The following GRID2 variants were observed in gnomAD, a reference collection of about 807,000 sequenced individuals.
GRID2 encodes the protein glutamate ionotropic receptor delta type subunit 2.
A neutral mutation model predicts 114.8 loss-of-function variants in GRID2; 33 were observed. The ratio of observed to expected loss-of-function variants is 0.29; its 90% CI spans 0.22 to 0.38. GRID2 has a LOEUF of 0.38. Among genes scored for constraint, GRID2 ranks in the 10% least tolerant of loss-of-function variants. The pLI is 1.00. For missense variants in GRID2, 1,184 were observed against 1,257.7 expected (o/e 0.94, Z 0.89); for synonymous variants, 505 against 449.9 (o/e 1.12, Z -1.55).
chr4:92,693,231 G>A (rs556230237), intron 2 of GRID2, among the ~76,000 whole-genome samples: 1 of 152,150 alleles, frequency 6.6e-6, no homozygotes, highest in African/African-American at 2.4e-5. Flanking sequence ...ATTTCATCCA[G>A]TGACCTTTCC....
At chr4:93,751,688 C>G (rs942971655) in intron 14 of GRID2, among the ~76,000 whole-genome samples, 1 of 152,076 alleles carries the variant, frequency 6.6e-6, no homozygotes, top group African/African-American at 2.4e-5. Context: ...TGTCCTCACC[C>G]CAAATCACAT....
chr4:92,314,318 G>A (rs895356924), intron 1 of GRID2, among the ~76,000 whole-genome samples: 1 of 152,008 alleles, frequency 6.6e-6, no homozygotes, highest in Non-Finnish European at 1.5e-5. Flanking sequence ...ATTTGGTAAT[G>A]TACTAATTCC....
chr4:93,391,116 A>G (rs1192899797), intron 8 of GRID2, among the ~76,000 whole-genome samples: 1 of 152,192 alleles, frequency 6.6e-6, no homozygotes, highest in East Asian at 1.9e-4. Context: ...GAATCTTAGG[A>G]GCATATAATC....
intron 1 of GRID2, among the ~76,000 whole-genome samples, chr4:92,525,771 G>C (rs141832568): frequency 2.2e-4 from 33 of 152,214 alleles, no homozygotes; most frequent in African/African-American, 7.7e-4. Context: ...AAGATGCAGA[G>C]ACATTTGTTT....
chr4:93,741,416 A>G (rs190630948), intron 14 of GRID2, among the ~76,000 whole-genome samples: 88 of 152,046 alleles, frequency 5.8e-4, no homozygotes, highest in Non-Finnish European at 1.0e-3. Context: ...GGGCAGAAAG[A>G]TATACATGCA....
intron 12 of GRID2, among the ~76,000 whole-genome samples, chr4:93,498,998 ATTTTG>A (rs1330861334): frequency 1.3e-5 from 2 of 151,786 alleles, no homozygotes; most frequent in Non-Finnish European, 2.9e-5. Flanking sequence ...TAGGTGTTGG[ATTTTG>A]ACAAATGATT....
intron 2 of GRID2, among the ~76,000 whole-genome samples, chr4:92,610,235 C>A (rs768813888): frequency 6.6e-5 from 10 of 151,530 alleles, no homozygotes; most frequent in African/African-American, 9.7e-5. Context: ...CAGGTTTTAC[C>A]AGGCAGATGG....
At chr4:93,235,049 T>G (rs1375703519) in intron 7 of GRID2, among the ~76,000 whole-genome samples, 1 of 152,274 alleles carries the variant, frequency 6.6e-6, no homozygotes, top group Middle Eastern at 3.4e-3. Flanking sequence ...CAGTAATTTT[T>G]TTTTTACTTT....
intron 1 of GRID2, among the ~76,000 whole-genome samples, chr4:92,404,842 GACACACAGAGGGGA>G (rs2110288282): frequency 6.6e-6 from 1 of 152,236 alleles, no homozygotes; most frequent in South Asian, 2.1e-4. Context: ...AGAATACATT[GACACACAGAGGGGA>G]ACAACACACA....
chr4:93,485,612 G>C (rs1356939794), intron 11 of GRID2, among the ~76,000 whole-genome samples: 1 of 151,664 alleles, frequency 6.6e-6, no homozygotes, highest in Non-Finnish European at 1.5e-5. Context: ...AATTAACCTA[G>C]AACTACTTAA....
intron 1 of GRID2, among the ~76,000 whole-genome samples, chr4:92,430,498 C>T (rs558887027): frequency 4.8e-4 from 73 of 151,974 alleles, no homozygotes; most frequent in Admixed American, 8.5e-4. Context: ...CCATGCTGTT[C>T]CAGTTACAAT....
In GRID2 at chr4:93,001,967, G is replaced by T. The variant is rs991366218; in HGVS notation, c.245-83028G>T. Among the ~76,000 whole-genome samples the T allele has an allele frequency of 5.2e-4, 79 of 151,464 alleles. 1 individual carries two copies. The highest frequency in any genetic ancestry group is 1.9e-3 in the African/African-American group (77 of 41,422). On this transcript the variant is annotated intron_variant, in intron 2 of 15. Coordinates refer to ENST00000282020, the MANE Select transcript of GRID2 (RefSeq NM_001510.4). ...ACATTTTTCAATTTTTTTTCAAGCA[G>T]TGATCAAACAAAAAATTTTACACAC...
chr4:93,562,312 C>T (rs1735006891), intron 13 of GRID2, among the ~76,000 whole-genome samples: 1 of 151,814 alleles, frequency 6.6e-6, no homozygotes, highest in African/African-American at 2.4e-5. Flanking sequence ...AATAAGATGT[C>T]ATATGCCTAC....
intron 8 of GRID2, among the ~76,000 whole-genome samples, chr4:93,260,963 C>T (rs1486767664): frequency 6.6e-6 from 1 of 151,800 alleles, no homozygotes; most frequent in East Asian, 1.9e-4. Context: ...CTAACAAGCA[C>T]ATCATTCTGT....
chr4:93,398,286 G>A (rs1191675726), intron 9 of GRID2, among the ~76,000 whole-genome samples: 1 of 151,000 alleles, frequency 6.6e-6, no homozygotes, highest in Non-Finnish European at 1.5e-5. Context: ...CATGCAAGGA[G>A]CGATTCTACG....
chr4:92,859,744 T>G (rs1744405153), intron 2 of GRID2, among the ~76,000 whole-genome samples: 1 of 152,128 alleles, frequency 6.6e-6, no homozygotes, highest in South Asian at 2.1e-4. Flanking sequence ...TTAGTGAGAA[T>G]AGTGAGAAAG....
chr4:92,730,963 G>C (rs1023823205), intron 2 of GRID2, among the ~76,000 whole-genome samples: 5 of 151,916 alleles, frequency 3.3e-5, no homozygotes, highest in Non-Finnish European at 7.4e-5. Context: ...ATCATTGAAT[G>C]CAGTGAAAAT....
At chr4:93,131,523 A>G (rs1503216) in intron 4 of GRID2, among the ~76,000 whole-genome samples, 82,101 of 151,458 alleles carry the variant, frequency 0.54, 23,708 homozygotes, top group African/African-American at 0.72. Flanking sequence ...TAAAATAACT[A>G]GTAAATTATA....
intron 13 of GRID2, among the ~76,000 whole-genome samples, chr4:93,541,015 C>A (rs1732598072): frequency 6.6e-6 from 1 of 152,096 alleles, no homozygotes. Context: ...CTACTCCTAG[C>A]ATCATTTAAA....
Sources: gnomAD v4.1 joint callset for allele counts (sites outside exome capture counted in the v4.1 genomes callset) on GRCh38, gnomAD v4.1.1 for gene constraint, MANE v1.5 for transcripts, NCBI Gene and HGNC (gene_info 2026-07-23, HGNC 2026-07-21) for gene names.